The following CSMD1 variants were observed in gnomAD, a reference collection of about 807,000 sequenced individuals.
CSMD1 encodes the protein CUB and sushi domain-containing protein 1.
In CSMD1, 213 loss-of-function variants were observed where a neutral mutation model predicts 417.5. The ratio of observed to expected loss-of-function variants is 0.51; its 90% CI spans 0.46 to 0.57. The LOEUF (loss-of-function observed/expected upper bound fraction) is 0.57, where lower values mean the gene tolerates loss of function less well. Ranked by LOEUF, CSMD1 falls within the 20% of genes least tolerant of loss-of-function variation. The probability of loss-of-function intolerance (pLI) is 0.00; values close to 1 mark genes in which losing one functional copy is unlikely to be tolerated. For synonymous variants in CSMD1, 2,862 were observed against 1,736.8 expected (o/e 1.65, Z -16.11); for missense variants, 6,923 against 4,529.7 (o/e 1.53, Z -15.17).
At chr8:4,404,365 G>A (rs917626973) in intron 3 of CSMD1, among the ~76,000 whole-genome samples, 1 of 152,122 alleles carries the variant, frequency 6.6e-6, no homozygotes, top group African/African-American at 2.4e-5. Context: ...CAGGGATTTT[G>A]TGCTGTTTTG....
intron 1 of CSMD1, among the ~76,000 whole-genome samples, chr8:4,878,026 A>G (rs1315446816): frequency 1.3e-5 from 2 of 152,060 alleles, no homozygotes; most frequent in African/African-American, 4.8e-5. Context: ...GCATCCCATC[A>G]CCACATAAAA....
intron 25 of CSMD1, among the ~76,000 whole-genome samples, chr8:3,297,113 A>C (rs781591233): frequency 3.3e-5 from 5 of 152,222 alleles, no homozygotes; most frequent in Non-Finnish European, 7.4e-5. Flanking sequence ...AAATAATTCT[A>C]ATAAAAAATG....
At chr8:4,905,991 C>G (rs767908348) in intron 1 of CSMD1, among the ~76,000 whole-genome samples, 2 of 152,148 alleles carry the variant, frequency 1.3e-5, no homozygotes, top group Non-Finnish European at 2.9e-5. Flanking sequence ...GGCAACACCA[C>G]TTTTGGCAGG....
intron 1 of CSMD1, among the ~76,000 whole-genome samples, chr8:4,920,932 GAGAAAGAAAGAAAGAA>G (rs1182053483): frequency 1.5e-4 from 4 of 27,104 alleles, no homozygotes; most frequent in Non-Finnish European, 2.6e-4. Flanking sequence ...AAAAGAAAGA[GAGAAAGAAAGAAAGAA>G]AGAAAGAAAG....
At chr8:3,535,503 T>C (rs1798158514) in intron 10 of CSMD1, among the ~76,000 whole-genome samples, 1 of 152,118 alleles carries the variant, frequency 6.6e-6, no homozygotes, top group East Asian at 1.9e-4. Flanking sequence ...TGTATGCACA[T>C]GGACATAGAG....
chr8:4,473,986 C>G (rs563555042), intron 2 of CSMD1, among the ~76,000 whole-genome samples: 9 of 151,884 alleles, frequency 5.9e-5, no homozygotes, highest in Admixed American at 1.3e-4. Flanking sequence ...TCAAAAGAGA[C>G]ACAAAAAATT....
chr8:4,538,836 G>C (rs758440211), intron 2 of CSMD1, among the ~76,000 whole-genome samples: 5 of 152,078 alleles, frequency 3.3e-5, no homozygotes, highest in Admixed American at 2.0e-4. Context: ...TCACAAAGCT[G>C]GTGAGAAGGT....
intron 3 of CSMD1, among the ~76,000 whole-genome samples, chr8:4,300,453 G>A (rs533664545): frequency 3.9e-5 from 6 of 152,204 alleles, no homozygotes; most frequent in Non-Finnish European, 7.3e-5. Flanking sequence ...AAAGAACTGA[G>A]TGTCCTTGGA....
At chr8:3,416,007 A>G (rs893583096) in intron 12 of CSMD1, among the ~76,000 whole-genome samples, 6 of 152,164 alleles carry the variant, frequency 3.9e-5, no homozygotes, top group African/African-American at 1.4e-4. Context: ...TCTTTTTAAA[A>G]ATAAGTGTTC....
intron 21 of CSMD1, among the ~76,000 whole-genome samples, chr8:3,353,595 A>T (rs1808555620): frequency 6.6e-6 from 1 of 152,248 alleles, no homozygotes; most frequent in Non-Finnish European, 1.5e-5. Flanking sequence ...ACTGACATTA[A>T]GTAAAGAGCA....
chr8:3,670,590 G>GAT (rs1166742999), intron 7 of CSMD1, among the ~76,000 whole-genome samples: 1 of 145,730 alleles, frequency 6.9e-6, no homozygotes, highest in African/African-American at 2.5e-5. Context: ...TATATATGGG[G>GAT]ATATATATAT....
chr8:3,382,332 A>G lies in CSMD1; in HGVS notation c.2782+5162T>C, dbSNP rs557160264. Among the ~76,000 whole-genome samples the G allele has an allele frequency of 1.9e-3, 275 of 146,638 alleles. 3 individuals are homozygous for G. Among genetic ancestry groups the G allele is most frequent in the African/African-American group, 6.3e-3 (256 of 40,420 alleles). On this transcript the variant is annotated intron_variant, in intron 18 of 69. Transcript: ENST00000635120. Reference sequence around the variant, plus strand: ...TTGGGTTAGGGTTATTTATATATATATATAAATTTATATATGTATATTTAT... The same window carrying G: ...TTGGGTTAGGGTTATTTATATATATGTATAAATTTATATATGTATATTTAT...
chr8:4,589,841 A>C (rs1286898954), intron 2 of CSMD1, among the ~76,000 whole-genome samples: 3 of 152,208 alleles, frequency 2.0e-5, no homozygotes, highest in African/African-American at 7.2e-5. Flanking sequence ...TCTGGAATGC[A>C]GCGTATTAAT....
chr8:4,657,169 C>T (rs1481423247), intron 1 of CSMD1, among the ~76,000 whole-genome samples: 2 of 152,080 alleles, frequency 1.3e-5, no homozygotes, highest in East Asian at 3.9e-4. Context: ...CACATATGCC[C>T]AGGGCAGAAT....
intron 7 of CSMD1, among the ~76,000 whole-genome samples, chr8:3,671,414 C>A (rs1799026617): frequency 6.9e-6 from 1 of 145,500 alleles, no homozygotes; most frequent in East Asian, 2.0e-4. Context: ...TAAATACATC[C>A]TAACAGTACT....
At chr8:4,335,607 T>C (rs1045130859) in intron 3 of CSMD1, among the ~76,000 whole-genome samples, 9 of 152,138 alleles carry the variant, frequency 5.9e-5, no homozygotes, top group African/African-American at 1.9e-4. Flanking sequence ...TACTCTATGA[T>C]TATCATTGAT....
intron 5 of CSMD1, among the ~76,000 whole-genome samples, chr8:3,938,355 A>T (rs1311813057): frequency 6.6e-6 from 1 of 152,194 alleles, no homozygotes; most frequent in African/African-American, 2.4e-5. Context: ...ACATAAAGTA[A>T]TAGAGTCAAA....
chr8:4,381,529 T>G (rs1584987369), intron 3 of CSMD1, among the ~76,000 whole-genome samples: 1 of 152,110 alleles, frequency 6.6e-6, no homozygotes, highest in South Asian at 2.1e-4. Flanking sequence ...TATATTGAGG[T>G]TGGTAGGGAG....
intron 3 of CSMD1, among the ~76,000 whole-genome samples, chr8:4,051,780 C>T (rs988111347): frequency 6.6e-6 from 1 of 152,114 alleles, no homozygotes; most frequent in Non-Finnish European, 1.5e-5. Flanking sequence ...TCCCAGTGTC[C>T]CAGGTGTGAT....
Sources: gnomAD v4.1 joint callset for allele counts (sites outside exome capture counted in the v4.1 genomes callset) on GRCh38, gnomAD v4.1.1 for gene constraint, MANE v1.5 for transcripts, NCBI Gene and HGNC (gene_info 2026-07-23, HGNC 2026-07-21) for gene names.